The following CILK1 variants were observed in gnomAD, a reference collection of about 807,000 sequenced individuals.
CILK1 encodes the protein serine/threonine-protein kinase ICK.
Under a neutral mutation model 79.2 loss-of-function variants are expected in CILK1, and 47 were observed. The ratio of observed to expected loss-of-function variants is 0.59; its 90% confidence interval spans 0.47 to 0.76. The LOEUF is 0.76. Ranked by LOEUF, CILK1 falls within the 30% of genes least tolerant of loss-of-function variation. CILK1 has a pLI of 0.00. For synonymous variants in CILK1, 266 were observed against 275.9 expected, an observed-to-expected ratio of 0.96 and a Z score of 0.36; for missense variants, 660 against 769.5, an observed-to-expected ratio of 0.86 and a Z score of 1.68.
In CILK1 at chr6:53,024,792, G is replaced by A. The variant is rs552985942; in HGVS notation, c.359-5433C>T. The stretch of plus-strand genomic sequence containing the variant: ...CAAGAAATGTGTCATAGCTATTATA[G>A]TGTCCAGCTCTACTCTCCCTTTCAA... On this transcript the variant is annotated intron_variant, in intron 5 of 13. Transcript: ENST00000676107. Among the ~76,000 whole-genome samples the A allele has an allele frequency of 6.9e-4, 105 of 151,120 alleles. 3 individuals are homozygous for A. The South Asian group carries it at 0.02, about 29-fold the overall frequency.
intron 8 of CILK1, 113 bp downstream of exon 8, chr6:53,015,970 G>C: frequency 9.6e-7 from 1 of 1,039,982 alleles, no homozygotes. Flanking sequence ...ACCATTAGTG[G>C]TATTCTGTAC....
chr6:53,045,154 T>C (rs993378354), intron 1 of CILK1, among the ~76,000 whole-genome samples: 3 of 152,228 alleles, frequency 2.0e-5, no homozygotes, highest in East Asian at 3.8e-4. Flanking sequence ...ACTTATTTAA[T>C]ACAACTTGTT....
chr6:53,041,056 TC>T, intron 2 of CILK1, 79 bp downstream of exon 2: 5 of 940,122 alleles, frequency 5.3e-6, no homozygotes, highest in Non-Finnish European at 8.8e-6. Flanking sequence ...TCCTACCCAC[TC>T]CCCTTTAGAA....
chr6:53,032,075 G>A (rs1766005322), intron 4 of CILK1, among the ~76,000 whole-genome samples: 1 of 152,100 alleles, frequency 6.6e-6, no homozygotes, highest in African/African-American at 2.4e-5. Flanking sequence ...TCAGGTGATC[G>A]CCCGCCTTGG....
chr6:53,005,613 G>A (rs906643495), intron 13 of CILK1, among the ~76,000 whole-genome samples: 3 of 151,830 alleles, frequency 2.0e-5, no homozygotes, highest in African/African-American at 7.3e-5. Context: ...CTACTACCAC[G>A]CTGGCCCAAG....
chr6:53,041,128 A>G lies in CILK1; in HGVS notation c.101+8T>C. Reference sequence around the variant, plus strand: ...AAAATTATCATGGCAGTGAAGGATCAAACTTACTTTTTAATAGCGATCAGC... The same window carrying G: ...AAAATTATCATGGCAGTGAAGGATCGAACTTACTTTTTAATAGCGATCAGC... On this transcript the variant is annotated splice_region_variant and intron_variant, in intron 2 of 13. Coordinates refer to ENST00000676107, the MANE Select transcript of CILK1 (RefSeq NM_014920.5). 6.3e-7 allele frequency: 1 copy of G among 1,585,850 alleles called. No individual in the cohort carries two copies. Among genetic ancestry groups the G allele is most frequent in the Non-Finnish European group, 8.7e-7 (1 of 1,154,238 alleles).
intron 5 of CILK1, among the ~76,000 whole-genome samples, chr6:53,025,512 C>T (rs1346325898): frequency 1.3e-5 from 2 of 152,188 alleles, no homozygotes; most frequent in Non-Finnish European, 2.9e-5. Flanking sequence ...ACTGCTAACT[C>T]CTCTTTAATC....
intron 5 of CILK1, among the ~76,000 whole-genome samples, chr6:53,022,997 A>G (rs1765343056): frequency 6.6e-6 from 1 of 151,468 alleles, no homozygotes; most frequent in African/African-American, 2.4e-5. Context: ...GCAGTGGCAC[A>G]ATCTCAGCTC....
chr6:53,018,280 C>G (rs779697007), intron 7 of CILK1, 50 bp downstream of exon 7: 1 of 1,560,580 alleles, frequency 6.4e-7, no homozygotes. Context: ...GCGGAGGAAG[C>G]ATGGGAAGCT....
At chr6:53,032,040 T>A (rs1288996442) in intron 4 of CILK1, among the ~76,000 whole-genome samples, 4 of 152,200 alleles carry the variant, frequency 2.6e-5, no homozygotes, top group African/African-American at 4.8e-5. Context: ...CCCATGTTGA[T>A]GAGGCTGGTC....
intron 1 of CILK1, 133 bp downstream of exon 1, chr6:53,061,462 AC>A (rs1768450568): frequency 6.6e-6 from 1 of 152,226 alleles, no homozygotes; most frequent in Non-Finnish European, 1.5e-5. Flanking sequence ...AGAAACTATA[AC>A]CCATTAGCCT....
At chr6:53,049,227 A>G (rs1581761159) in intron 1 of CILK1, among the ~76,000 whole-genome samples, 2 of 152,202 alleles carry the variant, frequency 1.3e-5, no homozygotes, top group Non-Finnish European at 2.9e-5. Context: ...TCCTGATACT[A>G]TGGGCTACAC....
chr6:53,018,258 G>T lies in CILK1; in HGVS notation c.663+72C>A. ...GCAGGTGCTCAATCATGCCAGTGCT[G>T]AACAGGGCTGAGCGGAGGAAGCATG... is the stretch of plus-strand genomic sequence containing the variant. On this transcript the variant is annotated intron_variant, in intron 7 of 13. Coordinates refer to ENST00000676107, the MANE Select transcript of CILK1 (RefSeq NM_014920.5). 3.4e-6 allele frequency: 5 copies of T among 1,452,160 alleles called. No individual in the cohort carries two copies. The African/African-American group carries it at 4.2e-5, about 12-fold the overall frequency. 90.0% of individuals were successfully genotyped at this position (1,452,160 alleles called of 1,614,324 possible). A position where few individuals can be genotyped will look rare whatever the true frequency, so the allele number is the denominator to read the frequency against.
In CILK1 at chr6:53,032,567, T is replaced by G. The variant is rs1472952242; in HGVS notation, c.244A>C (p.Met82Leu). ...ATGAGCTGGTAAAGATTTTCCTTCA[T>G]GTACTCGAAGATAAAATAAAGATGA... Reference protein sequence around the residue: ...NDHLYFIFEYMKENLYQLIKE... With the variant: ...NDHLYFIFEYLKENLYQLIKE... Residue 82 changes from methionine to leucine, a missense_variant, in exon 4 of 14, where the codon ATG becomes CTG. Coordinates refer to ENST00000676107, the MANE Select transcript of CILK1 (RefSeq NM_014920.5). 1 of 1,608,430 alleles carries G rather than the reference T, an allele frequency of 6.2e-7. No homozygotes were observed. The highest frequency in any genetic ancestry group is 1.1e-5 in the South Asian group (1 of 90,644).
At chr6:53,028,917 T>C (rs1201947577) in intron 5 of CILK1, among the ~76,000 whole-genome samples, 2 of 152,040 alleles carry the variant, frequency 1.3e-5, no homozygotes. Context: ...TGTCTGCATG[T>C]GTCTTGGGGT....
chr6:53,033,622 C>G (rs1055511780), intron 3 of CILK1, among the ~76,000 whole-genome samples: 1 of 152,080 alleles, frequency 6.6e-6, no homozygotes, highest in African/African-American at 2.4e-5. Flanking sequence ...TTAAAATAGC[C>G]CTTTCCTCAT....
chr6:53,009,295 G>A (rs1448999135), intron 12 of CILK1, 144 bp downstream of exon 12: 13 of 807,624 alleles, frequency 1.6e-5, no homozygotes, highest in South Asian at 1.4e-4. Context: ...AAAGAGAGGA[G>A]GATAGGGCTG....
chr6:53,031,837 CTTCTTTTTTT>C (rs1765983112), intron 4 of CILK1, among the ~76,000 whole-genome samples: 2 of 151,960 alleles, frequency 1.3e-5, no homozygotes, highest in African/African-American at 4.8e-5. Flanking sequence ...ATGAATAACT[CTTCTTTTTTT>C]TTTGAGATGG....
chr6:53,007,766 C>T (rs987257732), intron 12 of CILK1, among the ~76,000 whole-genome samples: 21 of 141,414 alleles, frequency 1.5e-4, no homozygotes, highest in Admixed American at 1.4e-4. Context: ...CCTGTTTCTA[C>T]TAAAAATACA....
Sources: gnomAD v4.1 joint callset for allele counts (sites outside exome capture counted in the v4.1 genomes callset) on GRCh38, gnomAD v4.1.1 for gene constraint, MANE v1.5 for transcripts, NCBI Gene and HGNC (gene_info 2026-07-23, HGNC 2026-07-21) for gene names.